PKIB: variants seen among roughly 807,000 people sequenced by gnomAD.
PKIB encodes the protein cAMP-dependent protein kinase inhibitor beta.
A neutral mutation model predicts 4.5 loss-of-function variants in PKIB; 2 were observed. The ratio of observed to expected loss-of-function variants is 0.44; its 90% confidence interval spans 0.18 to 1.39. PKIB has a LOEUF of 1.39. Ranked by LOEUF, PKIB falls within the 40% of genes most tolerant of loss-of-function variation. The probability of loss-of-function intolerance (pLI) is 0.27; values close to 1 mark genes in which losing one functional copy is unlikely to be tolerated. For missense variants in PKIB, 94 were observed against 92.6 expected (o/e 1.02, Z -0.06); for synonymous variants, 38 against 36.0 (o/e 1.06, Z -0.20).
chr6:122,513,489 C>T (rs184124561), intron 2 of PKIB, among the ~76,000 whole-genome samples: 2 of 152,204 alleles, frequency 1.3e-5, no homozygotes, highest in African/African-American at 2.4e-5. Context: ...ACTTTAAATA[C>T]AGGGGGTATA....
Position 122,537,772 on chromosome 6 carries a change from G to A in PKIB, c.-247-48149G>A, listed in dbSNP as rs527582947. On this transcript the variant is annotated intron_variant, in intron 2 of 6. Transcript: ENST00000392491. The stretch of plus-strand genomic sequence containing the variant: ...CGCCACACTGACTTCCACAATGGTT[G>A]AACTAGTTTTCAGTCCCACCAACAG... Among the ~76,000 whole-genome samples, 7 of 152,190 alleles carry A rather than the reference G, an allele frequency of 4.6e-5. No individual in the cohort carries two copies. The South Asian group carries it at 1.5e-3, about 32-fold the overall frequency.
At chr6:122,605,130 G>A (rs996148924) in intron 3 of PKIB, among the ~76,000 whole-genome samples, 4 of 152,098 alleles carry the variant, frequency 2.6e-5, no homozygotes, top group African/African-American at 7.2e-5. Flanking sequence ...ACCCAAGCTT[G>A]GTTGCAGGAC....
chr6:122,620,220 A>T (rs967358028), intron 1 of PKIB, among the ~76,000 whole-genome samples: 2 of 152,052 alleles, frequency 1.3e-5, no homozygotes, highest in Admixed American at 1.3e-4. Context: ...TGTTCTGAAC[A>T]CTCTAGTAAT....
chr6:122,506,563 GT>G (rs775581960), intron 2 of PKIB, among the ~76,000 whole-genome samples: 2 of 152,012 alleles, frequency 1.3e-5, no homozygotes, highest in African/African-American at 4.8e-5. Flanking sequence ...TGATAGTATA[GT>G]TTTTGTTTCA....
At chr6:122,495,281 A>T (rs1776045335) in intron 2 of PKIB, among the ~76,000 whole-genome samples, 1 of 152,044 alleles carries the variant, frequency 6.6e-6, no homozygotes, top group Non-Finnish European at 1.5e-5. Flanking sequence ...TACAGTCTTT[A>T]CTGCTGCAGC....
intron 3 of PKIB, among the ~76,000 whole-genome samples, chr6:122,716,616 A>C (rs1476325378): frequency 1.2e-5 from 1 of 82,994 alleles, no homozygotes; most frequent in African/African-American, 4.6e-5. Flanking sequence ...CATTTCTTGC[A>C]TTCTATGAAC....
intron 2 of PKIB, among the ~76,000 whole-genome samples, chr6:122,575,948 T>C (rs1773518112): frequency 6.6e-6 from 1 of 151,926 alleles, no homozygotes; most frequent in Non-Finnish European, 1.5e-5. Context: ...CATGAATGAA[T>C]CTCAAAAGCA....
intron 2 of PKIB, among the ~76,000 whole-genome samples, chr6:122,490,982 G>A (rs9385248): frequency 0.71 from 107,160 of 151,916 alleles, 37,918 homozygotes; most frequent in South Asian, 0.78. Flanking sequence ...AGCAACCTCA[G>A]TTCCTGCCTC....
intron 2 of PKIB, among the ~76,000 whole-genome samples, chr6:122,657,233 C>T (rs1469493841): frequency 2.0e-5 from 3 of 152,122 alleles, no homozygotes; most frequent in Non-Finnish European, 2.9e-5. Context: ...AGCTTTCAAC[C>T]GGTTGCTGTT....
chr6:122,609,991 C>G (rs1015010879), upstream of PKIB, among the ~76,000 whole-genome samples: 1 of 152,118 alleles, frequency 6.6e-6, no homozygotes, highest in African/African-American at 2.4e-5. Flanking sequence ...ACACCTGGAG[C>G]ACAAACCCTG....
Position 122,660,410 on chromosome 6 carries a change from G to A in PKIB, c.-75-14668G>A, listed in dbSNP as rs138288477. 1.4e-3 allele frequency among the ~76,000 whole-genome samples: 209 copies of A among 152,270 alleles called. No individual in the cohort carries two copies. In the Middle Eastern group the frequency reaches 0.02, roughly 15 times the overall value. On this transcript the variant is annotated intron_variant, in intron 2 of 4. Coordinates refer to ENST00000368452, the MANE Select transcript of PKIB (RefSeq NM_181795.3). Reference sequence around the variant, plus strand: ...GAGGACTGAGATGAAAGAGTTAAACGTATTCTCCTCTAAGGTCCCTTCCAA... The same window carrying A: ...GAGGACTGAGATGAAAGAGTTAAACATATTCTCCTCTAAGGTCCCTTCCAA...
At chr6:122,517,223 T>C (rs1269275847) in intron 2 of PKIB, among the ~76,000 whole-genome samples, 1 of 152,204 alleles carries the variant, frequency 6.6e-6, no homozygotes, top group East Asian at 1.9e-4. Flanking sequence ...AGTCAAGTTA[T>C]AGAATGTTTT....
intron 3 of PKIB, among the ~76,000 whole-genome samples, chr6:122,709,062 T>C (rs976903939): frequency 6.6e-6 from 1 of 152,246 alleles, no homozygotes; most frequent in Non-Finnish European, 1.5e-5. Context: ...TTTATATGAC[T>C]GATATCTAAA....
chr6:122,510,747 C>T (rs1582667085), intron 2 of PKIB, among the ~76,000 whole-genome samples: 1 of 152,020 alleles, frequency 6.6e-6, no homozygotes, highest in Middle Eastern at 3.4e-3. Context: ...CCAATTTTTC[C>T]TTAGGGAGCA....
At chr6:122,644,874 T>A (rs1161433423) in intron 2 of PKIB, 1 of 152,246 alleles carries the variant, frequency 6.6e-6, no homozygotes, top group East Asian at 1.9e-4. Context: ...AATAAAGGAC[T>A]GCTTTAAAAA....
At chr6:122,552,718 A>G (rs1772714801) in intron 2 of PKIB, among the ~76,000 whole-genome samples, 2 of 152,124 alleles carry the variant, frequency 1.3e-5, no homozygotes, top group African/African-American at 2.4e-5. Context: ...CCAGTCTGCT[A>G]TCTCCCTAGA....
chr6:122,718,511 T>C (rs966346021), intron 4 of PKIB, among the ~76,000 whole-genome samples: 36 of 152,188 alleles, frequency 2.4e-4, no homozygotes, highest in African/African-American at 8.7e-4. Context: ...AAGGTGCCTT[T>C]CATTTAAAAA....
At chr6:122,672,723 TATA>T (rs931019792) in intron 2 of PKIB, among the ~76,000 whole-genome samples, 10 of 151,772 alleles carry the variant, frequency 6.6e-5, no homozygotes, top group South Asian at 2.1e-4. Context: ...ATTTAACATA[TATA>T]ATAATAATAT....
chr6:122,700,905 G>A (rs1778787313), intron 3 of PKIB, among the ~76,000 whole-genome samples: 1 of 152,168 alleles, frequency 6.6e-6, no homozygotes, highest in East Asian at 1.9e-4. Context: ...CTATGGCTTG[G>A]ATAGGGCCAG....
Sources: gnomAD v4.1 joint callset for allele counts (sites outside exome capture counted in the v4.1 genomes callset) on GRCh38, gnomAD v4.1.1 for gene constraint, MANE v1.5 for transcripts, NCBI Gene and HGNC (gene_info 2026-07-23, HGNC 2026-07-21) for gene names.